TNFSF4: variants seen among roughly 807,000 people sequenced by gnomAD.
TNFSF4 encodes tumor necrosis factor ligand superfamily member 4.
TNFSF4 carries 4 observed loss-of-function variants against 7.3 expected under a neutral mutation model. The ratio of observed to expected loss-of-function variants is 0.55; its 90% CI spans 0.27 to 1.25. The LOEUF is 1.25. TNFSF4 is among the 50% of genes most tolerant of loss of function. TNFSF4 has a pLI of 0.12. For synonymous variants in TNFSF4, 76 were observed against 83.7 expected, an observed-to-expected ratio of 0.91 and a Z score of 0.50; for missense variants, 181 against 208.8, an observed-to-expected ratio of 0.87 and a Z score of 0.82.
At chr1:173,310,478 T>C in the TNFSF4 span, among the ~76,000 whole-genome samples, 1 of 151,900 alleles carries the variant, frequency 6.6e-6, no homozygotes, top group Non-Finnish European at 1.5e-5. Flanking sequence ...TTGTAATTGA[T>C]TTTTTGCTTT....
the TNFSF4 span, among the ~76,000 whole-genome samples, chr1:173,222,686 C>T: frequency 6.6e-6 from 1 of 152,112 alleles, no homozygotes; most frequent in Non-Finnish European, 1.5e-5. Flanking sequence ...GAATGAACTA[C>T]AATGAAAAAT....
At chr1:173,295,155 C>G in the TNFSF4 span, among the ~76,000 whole-genome samples, 1 of 151,946 alleles carries the variant, frequency 6.6e-6, no homozygotes, top group African/African-American at 2.4e-5. Context: ...GAAAATGATA[C>G]AACCCTTTTT....
At chr1:173,438,258 T>A in the TNFSF4 span, among the ~76,000 whole-genome samples, 1 of 152,110 alleles carries the variant, frequency 6.6e-6, no homozygotes, top group Non-Finnish European at 1.5e-5. Flanking sequence ...ATAAATACAT[T>A]TTATAAATTG....
At position 173,183,942 on chromosome 1, in the gene TNFSF4, A is replaced by G. The variant is rs1009762519; in HGVS notation, c.*2574T>C. 2.0e-5 allele frequency: 3 copies of G among 152,228 alleles called. No individual in the cohort carries two copies. The highest frequency in any genetic ancestry group is 2.1e-4 in the South Asian group (1 of 4,832). 9.4% of individuals were successfully genotyped at this position (152,228 alleles called of 1,614,324 possible). ...CCCTTAAGCATTCTCTAAATAGAAA[A>G]TATCTAACTAACAATTGATAACTGC... On this transcript the variant is annotated 3_prime_UTR_variant, in exon 3 of 3. Transcript: ENST00000281834.
At chr1:173,241,481 T>A in the TNFSF4 span, among the ~76,000 whole-genome samples, 687 of 152,356 alleles carry the variant, frequency 4.5e-3, 5 homozygotes, top group Non-Finnish European at 6.7e-3. Context: ...AGTAAGCATG[T>A]GTTCTGATTA....
the TNFSF4 span, chr1:173,418,578 G>A: frequency 1.3e-5 from 2 of 151,952 alleles, no homozygotes; most frequent in Non-Finnish European, 2.9e-5. Flanking sequence ...GATTTGGCTG[G>A]GAGGAGTGCA....
the TNFSF4 span, among the ~76,000 whole-genome samples, chr1:173,448,809 G>A: frequency 0.078 from 11,922 of 152,290 alleles, 701 homozygotes; most frequent in East Asian, 0.26. Context: ...CCATCTGGGC[G>A]TATAAGTGCA....
intron 1 of TNFSF4, among the ~76,000 whole-genome samples, chr1:173,204,959 A>G (rs1650119691): frequency 6.6e-6 from 1 of 151,682 alleles, no homozygotes; most frequent in Non-Finnish European, 1.5e-5. Flanking sequence ...TATCACTGCC[A>G]CCAACATTAT....
the TNFSF4 span, among the ~76,000 whole-genome samples, chr1:173,281,440 T>A: frequency 6.6e-6 from 1 of 152,096 alleles, no homozygotes; most frequent in South Asian, 2.1e-4. Flanking sequence ...AGCAAGAACA[T>A]GGGAATCAGG....
the TNFSF4 span, among the ~76,000 whole-genome samples, chr1:173,407,268 G>T: frequency 6.6e-6 from 1 of 152,006 alleles, no homozygotes; most frequent in Non-Finnish European, 1.5e-5. Flanking sequence ...GCTTCTCACA[G>T]TCAGAAAAAG....
the TNFSF4 span, among the ~76,000 whole-genome samples, chr1:173,324,690 CAA>C: frequency 6.6e-6 from 1 of 151,490 alleles, no homozygotes; most frequent in Non-Finnish European, 1.5e-5. Context: ...AAATGGAAAA[CAA>C]AAAAAGACAG....
chr1:173,180,643 T>G (rs1031498356), downstream of TNFSF4, among the ~76,000 whole-genome samples: 3 of 152,210 alleles, frequency 2.0e-5, no homozygotes, highest in African/African-American at 7.2e-5. Flanking sequence ...GAATTGTTTA[T>G]TACTTACCTA....
downstream of TNFSF4, among the ~76,000 whole-genome samples, chr1:173,181,413 A>C (rs1649053646): frequency 6.6e-6 from 1 of 152,218 alleles, no homozygotes; most frequent in Admixed American, 6.5e-5. Context: ...GCAGGACTCC[A>C]GGGAAATCCA....
chr1:173,352,071 T>A, the TNFSF4 span: 1 of 305,086 alleles, frequency 3.3e-6, no homozygotes, highest in Non-Finnish European at 6.0e-6. Context: ...TATATACTCA[T>A]GGTGGCCATT....
At chr1:173,302,155 T>C in the TNFSF4 span, among the ~76,000 whole-genome samples, 1 of 151,874 alleles carries the variant, frequency 6.6e-6, no homozygotes, top group African/African-American at 2.4e-5. Flanking sequence ...GGAAGGATGA[T>C]ATCCACTAGG....
At chr1:173,406,700 G>C in the TNFSF4 span, among the ~76,000 whole-genome samples, 2 of 152,212 alleles carry the variant, frequency 1.3e-5, no homozygotes, top group Non-Finnish European at 2.9e-5. Context: ...CCTGGGCTCT[G>C]TGTCTGTTGT....
intron 1 of TNFSF4, among the ~76,000 whole-genome samples, chr1:173,195,971 G>A (rs1004585277): frequency 2.0e-4 from 31 of 152,146 alleles, no homozygotes; most frequent in Admixed American, 1.7e-3. Flanking sequence ...CCAACCAGTG[G>A]AGATCTGAGA....
chr1:173,307,142 C>G, the TNFSF4 span, among the ~76,000 whole-genome samples: 9 of 151,870 alleles, frequency 5.9e-5, no homozygotes, highest in African/African-American at 2.2e-4. Flanking sequence ...TTTATTAAAT[C>G]AATTCATTCT....
the TNFSF4 span, among the ~76,000 whole-genome samples, chr1:173,218,570 C>T: frequency 1.3e-5 from 2 of 149,474 alleles, no homozygotes; most frequent in Non-Finnish European, 3.0e-5. Flanking sequence ...CCATCCCTGC[C>T]CCAGATATGA....
Sources: gnomAD v4.1 joint callset for allele counts (sites outside exome capture counted in the v4.1 genomes callset) on GRCh38, gnomAD v4.1.1 for gene constraint, MANE v1.5 for transcripts, NCBI Gene and HGNC (gene_info 2026-07-23, HGNC 2026-07-21) for gene names.